Variants in TULP3 observed in about 807,000 individuals in gnomAD.
The protein encoded by TULP3 is TUB like protein 3.
TULP3 carries 38 observed loss-of-function variants against 50.7 expected under a neutral mutation model. The ratio of observed to expected loss-of-function variants is 0.75; its 90% CI spans 0.58 to 0.98. TULP3 has a LOEUF of 0.98. Among genes scored for constraint, TULP3 ranks in the 50% least tolerant of loss-of-function variants. The pLI is 0.00. For missense variants in TULP3, 550 were observed against 568.0 expected (o/e 0.97, Z 0.32); for synonymous variants, 183 against 196.6 (o/e 0.93, Z 0.58).
intron 1 of TULP3, among the ~76,000 whole-genome samples, chr12:2,900,592 T>G (rs187094903): frequency 2.0e-4 from 26 of 132,754 alleles, no homozygotes; most frequent in Admixed American, 7.6e-4. Flanking sequence ...AACATCTGTT[T>G]TGAATAATAC....
At chr12:2,920,689 A>T in intron 2 of TULP3, 74 bp from the exon 3 acceptor site, 1 of 1,555,098 alleles carries the variant, frequency 6.4e-7, no homozygotes, top group South Asian at 1.2e-5. Context: ...AGTGAAAAAC[A>T]AACTGGGCAT....
intron 6 of TULP3, among the ~76,000 whole-genome samples, chr12:2,933,063 C>A (rs371694340): frequency 6.1e-4 from 93 of 152,228 alleles, no homozygotes; most frequent in African/African-American, 2.2e-3. Flanking sequence ...CTGCCTCAGC[C>A]TCCTGAGTAG....
intron 6 of TULP3, among the ~76,000 whole-genome samples, chr12:2,932,421 A>T (rs2098198629): frequency 2.0e-5 from 3 of 151,988 alleles, no homozygotes; most frequent in Admixed American, 1.3e-4. Context: ...TCTAGCAAAA[A>T]ATTAAAAAAT....
intron 1 of TULP3, among the ~76,000 whole-genome samples, chr12:2,899,748 C>T (rs1331843083): frequency 6.6e-6 from 1 of 151,754 alleles, no homozygotes; most frequent in Non-Finnish European, 1.5e-5. Flanking sequence ...AAAAAATTAG[C>T]CGGGTGTGGT....
chr12:2,918,627 G>A (rs945877780), intron 2 of TULP3, among the ~76,000 whole-genome samples: 1 of 151,756 alleles, frequency 6.6e-6, no homozygotes, highest in Non-Finnish European at 1.5e-5. Context: ...CGCAACCTCC[G>A]CCTCCCAGGC....
intron 4 of TULP3, among the ~76,000 whole-genome samples, chr12:2,924,882 T>C (rs1161498347): frequency 6.6e-6 from 1 of 150,800 alleles, no homozygotes; most frequent in African/African-American, 2.4e-5. Flanking sequence ...TAAAAATTAA[T>C]TAAAAAAAAA....
At chr12:2,894,567 G>A (rs991379475) in intron 1 of TULP3, among the ~76,000 whole-genome samples, 20 of 132,782 alleles carry the variant, frequency 1.5e-4, no homozygotes, top group African/African-American at 3.5e-4. Flanking sequence ...ACACACACAC[G>A]CACGCACACA....
At chr12:2,922,811 A>G (rs149775533) in intron 4 of TULP3, among the ~76,000 whole-genome samples, 12 of 150,794 alleles carry the variant, frequency 8.0e-5, no homozygotes, top group African/African-American at 2.7e-4. Context: ...ATTCCCATAC[A>G]TTTCAAAGGT....
Position 2,890,932 on chromosome 12 carries a change from T to A in TULP3, c.-16T>A. The A allele has an allele frequency of 1.3e-6, 2 of 1,592,744 alleles. No homozygotes were observed. The highest frequency in any genetic ancestry group is 2.3e-5 in the South Asian group (2 of 88,064). On this transcript the variant is annotated 5_prime_UTR_variant, in exon 1 of 11. Coordinates refer to ENST00000448120, the MANE Select transcript of TULP3 (RefSeq NM_003324.5). ...GGAAGAGTGTGTACGTGGTGGGGGC[T>A]TCCTCGGTGGCGGGCATGGAGGCTT...
chr12:2,915,471 G>A (rs1032103521), intron 2 of TULP3, among the ~76,000 whole-genome samples: 2 of 151,944 alleles, frequency 1.3e-5, no homozygotes, highest in Non-Finnish European at 2.9e-5. Context: ...AAGAAGTCTA[G>A]TTTAAAAATT....
chr12:2,893,137 A>G (rs1446308966), intron 1 of TULP3, among the ~76,000 whole-genome samples: 1 of 152,044 alleles, frequency 6.6e-6, no homozygotes, highest in African/African-American at 2.4e-5. Flanking sequence ...TTCTGGGATT[A>G]CAGGCCTGAG....
chr12:2,913,456 A>C (rs1830409927), intron 2 of TULP3, among the ~76,000 whole-genome samples: 1 of 151,650 alleles, frequency 6.6e-6, no homozygotes. Flanking sequence ...TAGAGATGGG[A>C]TCTTGCAGTG....
chr12:2,904,807 A>T (rs1323813314), intron 1 of TULP3, among the ~76,000 whole-genome samples: 2 of 152,160 alleles, frequency 1.3e-5, no homozygotes. Context: ...AGGAAAGAGA[A>T]TATTAACACA....
intron 2 of TULP3, among the ~76,000 whole-genome samples, chr12:2,916,056 C>A (rs2098188483): frequency 6.6e-6 from 1 of 152,078 alleles, no homozygotes; most frequent in Non-Finnish European, 1.5e-5. Flanking sequence ...GTTGCCCAGG[C>A]TGGAGTGCAA....
At chr12:2,911,341 A>G (rs1236928718) in intron 2 of TULP3, among the ~76,000 whole-genome samples, 1 of 151,650 alleles carries the variant, frequency 6.6e-6, no homozygotes, top group Non-Finnish European at 1.5e-5. Context: ...TATATCTTCC[A>G]GAGATAGTCA....
chr12:2,903,593 GA>G (rs1009062489), intron 1 of TULP3, among the ~76,000 whole-genome samples: 1 of 151,112 alleles, frequency 6.6e-6, no homozygotes, highest in African/African-American at 2.4e-5. Context: ...AGAAAAAAAT[GA>G]AATTTGCTGA....
In TULP3 at chr12:2,940,377, C is replaced by T. The variant is rs554050089; in HGVS notation, c.*933C>T. 200 of 1,449,988 alleles carry T rather than the reference C, an allele frequency of 1.4e-4. No individual in the cohort carries two copies. The Middle Eastern group carries it at 2.0e-3, about 14-fold the overall frequency. The allele number at this position is 1,449,988 out of a possible 1,614,324, so 89.8% of individuals were successfully genotyped here. The stretch of plus-strand genomic sequence containing the variant: ...GCTTTGGGGAGGATCAGCCAGCAGA[C>T]ATGAGCACTGCTGGCCCGTGTGGCA... On this transcript the variant is annotated 3_prime_UTR_variant, in exon 11 of 11. Transcript: ENST00000448120.
intron 2 of TULP3, among the ~76,000 whole-genome samples, chr12:2,918,053 G>A (rs1250589743): frequency 6.6e-6 from 1 of 151,940 alleles, no homozygotes; most frequent in Non-Finnish European, 1.5e-5. Context: ...TTGCACCATT[G>A]CACTCCAGCC....
chr12:2,930,858 T>A, intron 5 of TULP3, 179 bp from the exon 6 acceptor site: 1 of 689,030 alleles, frequency 1.5e-6, no homozygotes. Flanking sequence ...ATTTTGATAC[T>A]TACTCTTCAT....
Sources: gnomAD v4.1 joint callset for allele counts (sites outside exome capture counted in the v4.1 genomes callset) on GRCh38, gnomAD v4.1.1 for gene constraint, MANE v1.5 for transcripts, NCBI Gene and HGNC (gene_info 2026-07-23, HGNC 2026-07-21) for gene names.